The following CNTN5 variants were observed in gnomAD, a reference collection of about 807,000 sequenced individuals.
CNTN5 encodes contactin 5.
A neutral mutation model predicts 129.1 loss-of-function variants in CNTN5; 77 were observed. The ratio of observed to expected loss-of-function variants is 0.60; its 90% CI spans 0.50 to 0.72. The LOEUF (loss-of-function observed/expected upper bound fraction) is 0.72. Among genes scored for constraint, CNTN5 ranks in the 30% least tolerant of loss-of-function variants. The pLI is 0.00. For missense variants in CNTN5, 1,478 were observed against 1,328.8 expected (o/e 1.11, Z -1.75); for synonymous variants, 509 against 465.6 (o/e 1.09, Z -1.20).
chr11:100,038,852 C>G (rs1001104548), intron 9 of CNTN5, among the ~76,000 whole-genome samples: 40 of 152,154 alleles, frequency 2.6e-4, no homozygotes, highest in African/African-American at 9.2e-4. Flanking sequence ...TATTTTGAGC[C>G]TGTGTATGTG....
intron 2 of CNTN5, among the ~76,000 whole-genome samples, chr11:99,478,144 T>A (rs556719255): frequency 3.3e-5 from 5 of 152,212 alleles, no homozygotes; most frequent in African/African-American, 1.2e-4. Flanking sequence ...TCTCACAGAT[T>A]ATGTGGGTAG....
intron 8 of CNTN5, among the ~76,000 whole-genome samples, chr11:99,980,517 T>C (rs945685216): frequency 6.6e-6 from 1 of 152,156 alleles, no homozygotes; most frequent in Non-Finnish European, 1.5e-5. Context: ...CTGAAAGCAT[T>C]TGATCGCGCA....
At chr11:100,278,126 A>G (rs1950556074) in intron 18 of CNTN5, among the ~76,000 whole-genome samples, 2 of 151,934 alleles carry the variant, frequency 1.3e-5, no homozygotes, top group African/African-American at 2.4e-5. Flanking sequence ...TTGCAGATGT[A>G]TGGATTTATG....
intron 3 of CNTN5, among the ~76,000 whole-genome samples, chr11:99,746,852 T>A (rs747734147): frequency 2.8e-4 from 42 of 152,160 alleles, no homozygotes; most frequent in Non-Finnish European, 4.4e-4. Flanking sequence ...TGAAATCAAG[T>A]AGTGTGATGG....
intron 8 of CNTN5, among the ~76,000 whole-genome samples, chr11:99,974,637 A>G (rs572931027): frequency 2.0e-5 from 3 of 152,344 alleles, no homozygotes; most frequent in East Asian, 1.9e-4. Flanking sequence ...AGCAACCCAC[A>G]TAAGTAAAAT....
intron 3 of CNTN5, among the ~76,000 whole-genome samples, chr11:99,573,528 C>A (rs964044542): frequency 6.6e-6 from 1 of 151,788 alleles, no homozygotes; most frequent in East Asian, 2.0e-4. Flanking sequence ...CCAGATCACG[C>A]CACTGCACTC....
chr11:99,079,046 T>C (rs1591155786), intron 1 of CNTN5, among the ~76,000 whole-genome samples: 1 of 152,288 alleles, frequency 6.6e-6, no homozygotes, highest in South Asian at 2.1e-4. Flanking sequence ...TATTAAAATA[T>C]TGAATATACC....
chr11:99,140,604 A>G (rs887721804), intron 1 of CNTN5, among the ~76,000 whole-genome samples: 9 of 152,104 alleles, frequency 5.9e-5, no homozygotes, highest in African/African-American at 1.4e-4. Context: ...GGATGTGTCC[A>G]TTCAGTATGA....
intron 13 of CNTN5, among the ~76,000 whole-genome samples, chr11:100,182,330 G>T (rs1948161204): frequency 6.6e-6 from 1 of 152,002 alleles, no homozygotes; most frequent in African/African-American, 2.4e-5. Context: ...TCTAGTGAAG[G>T]CCCTCTTTTT....
intron 2 of CNTN5, among the ~76,000 whole-genome samples, chr11:99,533,166 T>G (rs1452156508): frequency 6.6e-6 from 1 of 152,206 alleles, no homozygotes; most frequent in Admixed American, 6.5e-5. Flanking sequence ...GAGGTTGCAG[T>G]GAGCCAAGAT....
chr11:99,478,564 G>A (rs76562856), intron 2 of CNTN5, among the ~76,000 whole-genome samples: 3,147 of 152,146 alleles, frequency 0.021, 126 homozygotes, highest in African/African-American at 0.07. Flanking sequence ...GGATCTTTGA[G>A]GGCCATCTTG....
chr11:99,808,353 C>CA (rs11394490), intron 3 of CNTN5, among the ~76,000 whole-genome samples: 83,889 of 151,880 alleles, frequency 0.55, 23,624 homozygotes, highest in East Asian at 0.67. Context: ...GTTGAGGCTA[C>CA]AAAAATCACA....
intron 6 of CNTN5, among the ~76,000 whole-genome samples, chr11:99,872,296 G>A (rs1006499242): frequency 6.6e-6 from 1 of 152,008 alleles, no homozygotes; most frequent in Non-Finnish European, 1.5e-5. Flanking sequence ...ATTTTGTGGT[G>A]AATTCATCTG....
intron 2 of CNTN5, among the ~76,000 whole-genome samples, chr11:99,339,340 G>A (rs1298917965): frequency 6.6e-6 from 1 of 152,144 alleles, no homozygotes; most frequent in Admixed American, 6.5e-5. Flanking sequence ...GATAGAGAAT[G>A]TTATGGTTGG....
chr11:100,206,734 T>G (rs1223213580), intron 15 of CNTN5, among the ~76,000 whole-genome samples: 1 of 152,108 alleles, frequency 6.6e-6, no homozygotes, highest in African/African-American at 2.4e-5. Flanking sequence ...CAGGGACTAA[T>G]ATCAGAACTT....
chr11:99,158,345 G>A (rs1399929735), intron 1 of CNTN5, among the ~76,000 whole-genome samples: 1 of 152,074 alleles, frequency 6.6e-6, no homozygotes, highest in Non-Finnish European at 1.5e-5. Context: ...TCGTGTCTTG[G>A]ATATTCACAG....
chr11:99,599,922 G>A (rs1950261187), intron 3 of CNTN5, among the ~76,000 whole-genome samples: 1 of 152,044 alleles, frequency 6.6e-6, no homozygotes, highest in Admixed American at 6.6e-5. Flanking sequence ...GGAATGTGGA[G>A]AAAGGAAACC....
intron 1 of CNTN5, among the ~76,000 whole-genome samples, chr11:99,227,782 C>G (rs75852678): frequency 0.017 from 2,645 of 152,112 alleles, 43 homozygotes; most frequent in African/African-American, 0.038. Flanking sequence ...AAATATACAG[C>G]AAGAGGAACA....
chr11:99,909,133 A>C (rs1472255067), intron 6 of CNTN5, among the ~76,000 whole-genome samples: 3 of 152,108 alleles, frequency 2.0e-5, no homozygotes, highest in African/African-American at 4.8e-5. Flanking sequence ...AGCTCAACTG[A>C]TATTTTGGAG....
Sources: gnomAD v4.1 joint callset for allele counts (sites outside exome capture counted in the v4.1 genomes callset) on GRCh38, gnomAD v4.1.1 for gene constraint, MANE v1.5 for transcripts, NCBI Gene and HGNC (gene_info 2026-07-23, HGNC 2026-07-21) for gene names.